Variants in CFI observed in about 807,000 individuals in gnomAD.
CFI encodes complement factor I.
In CFI, 66 loss-of-function variants were observed where a neutral mutation model predicts 78.8. The ratio of observed to expected loss-of-function variants is 0.84; its 90% CI spans 0.69 to 1.03. CFI has a LOEUF of 1.03. CFI is among the 50% of genes least tolerant of loss of function. The pLI is 0.00. For missense variants in CFI, 706 were observed against 704.5 expected (o/e 1.00, Z -0.02); for synonymous variants, 250 against 232.6 (o/e 1.07, Z -0.68).
chr4:109,767,365 T>A (rs1167201645), intron 1 of CFI, among the ~76,000 whole-genome samples: 1 of 151,146 alleles, frequency 6.6e-6, no homozygotes, highest in Admixed American at 6.6e-5. Context: ...TGGGAGAAAA[T>A]TTTTGCAATC....
chr4:109,765,359 C>T (rs1157603774), intron 2 of CFI, among the ~76,000 whole-genome samples: 1 of 152,172 alleles, frequency 6.6e-6, no homozygotes, highest in Non-Finnish European at 1.5e-5. Context: ...TAATAACTTG[C>T]TATCAGAAGA....
intron 2 of CFI, 65 bp downstream of exon 2, chr4:109,766,489 A>G (rs1727764019): frequency 2.6e-6 from 4 of 1,567,620 alleles, no homozygotes; most frequent in East Asian, 4.5e-5. Context: ...ATTTTCTGAT[A>G]GAAAGTATGG....
rs1725611024 is a variant in CFI at position 109,753,505 on chromosome 4, TTATTATATA to T, written c.905-1011_905-1003del. ...TTTATAATAAATATTTATAATATAT[TTATTATATA>T]AATAAATATTTATAATAAATATTTA... is the stretch of plus-strand genomic sequence containing the variant. On this transcript the variant is annotated intron_variant, in intron 7 of 12. Coordinates refer to ENST00000394634, the MANE Select transcript of CFI (RefSeq NM_000204.5). Among the ~76,000 whole-genome samples the T allele has an allele frequency of 9.6e-5, 2 of 20,818 alleles. 1 individual carries two copies. The highest frequency in any genetic ancestry group is 1.9e-4 in the Non-Finnish European group (2 of 10,362). 13.7% of individuals were successfully genotyped at this position (20,818 alleles called of 152,430 possible).
intron 3 of CFI, 125 bp downstream of exon 3, chr4:109,764,412 G>A: frequency 9.4e-7 from 1 of 1,063,140 alleles, no homozygotes; most frequent in Non-Finnish European, 1.4e-6. Flanking sequence ...ACAATGCTAT[G>A]ATGCACATAG....
chr4:109,743,719 A>G (rs1724087768), intron 11 of CFI, among the ~76,000 whole-genome samples: 1 of 152,210 alleles, frequency 6.6e-6, no homozygotes, highest in East Asian at 1.9e-4. Flanking sequence ...GTTAAATGCT[A>G]GATCAGGCTG....
downstream of CFI, among the ~76,000 whole-genome samples, chr4:109,739,854 C>T (rs747739222): frequency 4.6e-5 from 7 of 151,994 alleles, no homozygotes; most frequent in South Asian, 2.1e-4. Flanking sequence ...AATGCTGCTG[C>T]GATGAGAACA....
At position 109,752,980 on chromosome 4, in the gene CFI, A is replaced by T; in HGVS notation, c.905-477T>A. On this transcript the variant is annotated intron_variant, in intron 7 of 12. Transcript: ENST00000394634. ...ATATTTATTATATATTTATTATATG[A>T]ATAAATATTTATAATATATATTTAT... 3.5e-5 allele frequency among the ~76,000 whole-genome samples: 3 copies of T among 86,348 alleles called. 1 individual carries two copies. The highest frequency in any genetic ancestry group is 7.2e-5 in the Non-Finnish European group (3 of 41,470). 56.6% of individuals were successfully genotyped at this position (86,348 alleles called of 152,430 possible).
In CFI at chr4:109,740,895, A is replaced by T. The variant is rs184356649; in HGVS notation, c.1750T>A (p.Ter584LysextTer24). The T allele has an allele frequency of 6.2e-7, 1 of 1,610,092 alleles. No homozygotes were observed. The highest frequency in any genetic ancestry group is 1.1e-5 in the South Asian group (1 of 91,010). The change falls in exon 13 of 13, where the codon TAA becomes AAA. Residue 584 changes from the stop codon to lysine, a stop_lost. Transcript: ENST00000394634. ...GRPFISQYNV[*>K] ...GAATGAAGAGAGAGATCACAATTTT[A>T]TACATTGTACTGAGAAATAAAAGGC... is the stretch of plus-strand genomic sequence containing the variant.
rs1561285086 is a variant in CFI, at chr4:109,746,215, C to T, written c.1429+7G>A. 6.2e-7 allele frequency: 1 copy of T among 1,614,076 alleles called. No homozygotes were observed. The highest frequency in any genetic ancestry group is 1.3e-5 in the African/African-American group (1 of 75,040). ...GGCTTCTGATTAACAAACTGTAAAACATATACCTTTTTCTCGTCCCCAGCC... is the reference window on the plus strand; with the variant it reads ...GGCTTCTGATTAACAAACTGTAAAATATATACCTTTTTCTCGTCCCCAGCC... On this transcript the variant is annotated splice_region_variant and intron_variant, in intron 11 of 12. Transcript: ENST00000394634.
chr4:109,783,369 G>A (rs1314635270), intron 1 of CFI, among the ~76,000 whole-genome samples: 4 of 152,008 alleles, frequency 2.6e-5, no homozygotes, highest in Admixed American at 6.6e-5. Flanking sequence ...CTAGGGACAT[G>A]GATAGACAAT....
Position 109,760,313 on chromosome 4 carries a change from A to G in CFI, c.840T>C (p.Gly280=). ...VCIPSQYQCN[G]EVDCITGEDE... ...CTTCCCCTGTAATGCAGTCCACCTC[A>G]CCATTGCATTGATACTGGCTTGGAA... Residue 280 remains glycine, a synonymous_variant, in exon 6 of 13, where the codon GGT becomes GGC. Transcript: ENST00000394634. 1 of 1,614,084 alleles carries G rather than the reference A, an allele frequency of 6.2e-7. No individual in the cohort carries two copies. Among genetic ancestry groups the G allele is most frequent in the Non-Finnish European group, 8.5e-7 (1 of 1,179,972 alleles).
At chr4:109,748,161 G>A (rs528623061) in intron 10 of CFI, among the ~76,000 whole-genome samples, 2 of 152,182 alleles carry the variant, frequency 1.3e-5, no homozygotes, top group East Asian at 1.9e-4. Flanking sequence ...ATAATGAGAT[G>A]TTCAGGAAGC....
intron 12 of CFI, 137 bp from the exon 13 acceptor site, chr4:109,741,247 C>T (rs1208294405): frequency 6.0e-6 from 9 of 1,504,240 alleles, no homozygotes; most frequent in Non-Finnish European, 3.5e-6. Flanking sequence ...TCCTTAGAGT[C>T]CCTGGCTGGG....
At chr4:109,777,780 G>A (rs1025528349) in intron 1 of CFI, among the ~76,000 whole-genome samples, 2 of 152,028 alleles carry the variant, frequency 1.3e-5, no homozygotes, top group Non-Finnish European at 2.9e-5. Context: ...ATAACAAACT[G>A]TCTCTCAGAC....
rs759777516 is a variant in CFI, at chr4:109,761,635, T to C, written c.540A>G (p.Glu180=). The C allele has an allele frequency of 8.7e-6, 14 of 1,613,826 alleles. No individual in the cohort carries two copies. The highest frequency in any genetic ancestry group is 1.7e-5 in the Admixed American group (1 of 60,026). ...KLSDLSINST[E]CLHVHCRGLE... ...ATCCTCGGCAATGCACATGTAGACA[T>C]TCAGTGGAATTTATAGAGAGATCAG... The change falls in exon 4 of 13, where the codon GAA becomes GAG. Residue 180 remains glutamate, a synonymous_variant. Coordinates refer to ENST00000394634, the MANE Select transcript of CFI (RefSeq NM_000204.5).
intron 1 of CFI, among the ~76,000 whole-genome samples, chr4:109,778,770 A>G (rs566822146): frequency 2.0e-5 from 3 of 152,296 alleles, no homozygotes; most frequent in Admixed American, 1.3e-4. Flanking sequence ...GCACATCAAA[A>G]AGCTTATCCA....
chr4:109,760,692 C>A, intron 4 of CFI, 56 bp from the exon 5 acceptor site: 2 of 1,009,058 alleles, frequency 2.0e-6, no homozygotes, highest in Non-Finnish European at 3.2e-6. Flanking sequence ...GGCATGACAT[C>A]CTTATCAGAT....
intron 1 of CFI, among the ~76,000 whole-genome samples, chr4:109,767,162 T>C (rs1727874065): frequency 6.6e-6 from 1 of 152,102 alleles, no homozygotes; most frequent in African/African-American, 2.4e-5. Context: ...ATGTTAGACC[T>C]AAAACCATAA....
chr4:109,765,788 T>C (rs1727658108), intron 2 of CFI, among the ~76,000 whole-genome samples: 1 of 151,128 alleles, frequency 6.6e-6, no homozygotes, highest in Admixed American at 6.6e-5. Context: ...GGGTCAGGGC[T>C]GGGGGAGAGG....
Sources: allele counts gnomAD v4.1 joint callset (sites outside exome capture counted in the v4.1 genomes callset), GRCh38; gene constraint gnomAD v4.1.1; transcripts MANE v1.5; gene names NCBI Gene and HGNC (gene_info 2026-07-23, HGNC 2026-07-21).